APPL1: variants seen among roughly 807,000 people sequenced by gnomAD.
The protein encoded by APPL1 is DCC-interacting protein 13-alpha.
Under a neutral mutation model 106.8 loss-of-function variants are expected in APPL1, and 42 were observed. That is an observed-to-expected ratio of 0.39 (90% confidence interval 0.31 to 0.51). APPL1 has a LOEUF of 0.51. APPL1 is among the 20% of genes least tolerant of loss of function. APPL1 has a pLI of 0.75. For missense variants in APPL1, 769 were observed against 858.2 expected (o/e 0.90, Z 1.30); for synonymous variants, 263 against 281.8 (o/e 0.93, Z 0.67).
In APPL1 at chr3:57,257,003, C is replaced by A; in HGVS notation, c.1199C>A (p.Pro400His). Residue 400 changes from proline (P) to histidine (H), a missense_variant, in exon 14 of 22, where the codon CCT becomes CAT. By Grantham distance (77) the Pro-to-His change is moderately conservative. Transcript: ENST00000288266. ...CAATCAGCTCTGGAAGCTGTCACTC[C>A]TTCCCCATCTTTCCAGCAGAGGCAC... The part of the protein sequence containing the change: ...VNQSALEAVT[P>H]SPSFQQRHES... The A allele has an allele frequency of 6.2e-7, 1 of 1,614,124 alleles. No homozygotes were observed. The highest frequency in any genetic ancestry group is 1.7e-5 in the Admixed American group (1 of 60,010).
chr3:57,248,403 C>G, intron 10 of APPL1, 52 bp downstream of exon 10: 2 of 1,521,486 alleles, frequency 1.3e-6, no homozygotes, highest in Non-Finnish European at 8.9e-7. Context: ...AAGACAATAC[C>G]AAATGAATAT....
At chr3:57,245,058 A>G (rs530092621) in intron 7 of APPL1, among the ~76,000 whole-genome samples, 1 of 152,286 alleles carries the variant, frequency 6.6e-6, no homozygotes, top group South Asian at 2.1e-4. Flanking sequence ...AACTATCTTC[A>G]GTTTTGTACA....
chr3:57,243,569 G>A (rs2060757677), intron 7 of APPL1, among the ~76,000 whole-genome samples: 3 of 152,204 alleles, frequency 2.0e-5, no homozygotes, highest in African/African-American at 7.2e-5. Flanking sequence ...TGGAAACACA[G>A]TGACTGCTTG....
chr3:57,242,155 A>AT lies in APPL1; in HGVS notation c.415+16dup, dbSNP rs756339951. On this transcript the variant is annotated intron_variant, in intron 6 of 21. Coordinates refer to ENST00000288266, the MANE Select transcript of APPL1 (RefSeq NM_012096.3). Reference sequence around the variant, plus strand: ...ATTGCAAGTAATGGTAAGCCCTATAATTTGCACACTTATTTCTTGCAGTGA... The same window carrying AT: ...ATTGCAAGTAATGGTAAGCCCTATAATTTTGCACACTTATTTCTTGCAGTGA... The AT allele has an allele frequency of 8.2e-6, 13 of 1,583,800 alleles. No homozygotes were observed. Among genetic ancestry groups the AT allele is most frequent in the Non-Finnish European group, 1.0e-5 (12 of 1,157,512 alleles).
chr3:57,251,215 C>G (rs1157733996), intron 11 of APPL1, among the ~76,000 whole-genome samples: 3 of 150,888 alleles, frequency 2.0e-5, no homozygotes, highest in African/African-American at 7.3e-5. Flanking sequence ...TAAATTTGAC[C>G]TTTACTCCTG....
chr3:57,251,554 C>T (rs1361411411), intron 11 of APPL1, among the ~76,000 whole-genome samples: 1 of 150,892 alleles, frequency 6.6e-6, no homozygotes, highest in Non-Finnish European at 1.5e-5. Context: ...GATACTATAG[C>T]TCACTATCCT....
Position 57,271,487 on chromosome 3 carries a change from A to G in APPL1, c.*1800A>G, listed in dbSNP as rs996695259. 1 of 152,356 alleles carries G rather than the reference A, an allele frequency of 6.6e-6. No individual in the cohort carries two copies. Among genetic ancestry groups the G allele is most frequent in the Non-Finnish European group, 1.5e-5 (1 of 68,036 alleles). 9.4% of individuals were successfully genotyped at this position (152,356 alleles called of 1,614,324 possible). On this transcript the variant is annotated 3_prime_UTR_variant, in exon 22 of 22. Transcript: ENST00000288266. Reference sequence around the variant, plus strand: ...GAATTTATTCTGTTGCCAGCATTTAAGTAGTCATGGCAAGTCCTGTTTTTA... The same window carrying G: ...GAATTTATTCTGTTGCCAGCATTTAGGTAGTCATGGCAAGTCCTGTTTTTA...
intron 7 of APPL1, 72 bp from the exon 8 acceptor site, chr3:57,246,004 C>G: frequency 8.8e-7 from 1 of 1,141,464 alleles, no homozygotes; most frequent in Non-Finnish European, 1.2e-6. Context: ...ACAGCTCCTA[C>G]TGAAGATAAT....
chr3:57,253,728 A>G lies in APPL1; in HGVS notation c.1142A>G (p.Glu381Gly). ...NNISKQIYLS[E>G]NPEETAARVN... is the part of the protein sequence containing the mutation. ...ATATCTAAACAAATATACTTAAGTG[A>G]AAATCCAGAGGTAATATTTTTATTT... The change falls in exon 13 of 22, where the codon GAA becomes GGA. Residue 381 changes from glutamate to glycine, a missense_variant. By Grantham distance (98) the Glu-to-Gly change is moderately conservative (BLOSUM62 -2). Coordinates refer to ENST00000288266, the MANE Select transcript of APPL1 (RefSeq NM_012096.3). 6.9e-7 allele frequency: 1 copy of G among 1,440,354 alleles called. No homozygotes were observed. Among genetic ancestry groups the G allele is most frequent in the African/African-American group, 1.5e-5 (1 of 67,860 alleles). The allele number at this position is 1,440,354 out of a possible 1,614,324, so 89.2% of individuals were successfully genotyped here.
chr3:57,227,801 C>A lies in APPL1; in HGVS notation c.-83C>A. On this transcript the variant is annotated 5_prime_UTR_variant, in exon 1 of 22. Transcript: ENST00000288266. ...GCAGCCCTTGCCGGAGAGGGCGGGC[C>A]GGGGTCAGCTGCGGCGGGCGGGCCG... The A allele has an allele frequency of 8.1e-7, 1 of 1,241,018 alleles. No homozygotes were observed. The highest frequency in any genetic ancestry group is 2.6e-5 in the Admixed American group (1 of 37,934). 76.9% of individuals were successfully genotyped at this position (1,241,018 alleles called of 1,614,324 possible). A position where few individuals can be genotyped will look rare whatever the true frequency, so the allele number is the denominator to read the frequency against.
rs2060945982 is a variant in APPL1 at position 57,272,141 on chromosome 3, A to G, written c.*2454A>G. ...TAGAAATCAACAAAACTCCTTTTTA[A>G]AAAGAAAAGATATTAAGCCTGCCTA... On this transcript the variant is annotated 3_prime_UTR_variant, in exon 22 of 22. Coordinates refer to ENST00000288266, the MANE Select transcript of APPL1 (RefSeq NM_012096.3). The G allele has an allele frequency of 6.6e-6, 1 of 152,204 alleles. No homozygotes were observed. The highest frequency in any genetic ancestry group is 1.5e-5 in the Non-Finnish European group (1 of 68,034). The allele number at this position is 152,204 out of a possible 1,614,324, so 9.4% of individuals were successfully genotyped here.
In APPL1 at chr3:57,257,405, A is replaced by G; in HGVS notation, c.1407A>G (p.Ala469=). The G allele has an allele frequency of 6.2e-7, 1 of 1,613,386 alleles. No individual in the cohort carries two copies. The highest frequency in any genetic ancestry group is 8.5e-7 in the Non-Finnish European group (1 of 1,179,596). The change falls in exon 15 of 22, where the codon GCA becomes GCG. Residue 469 remains alanine, a synonymous_variant. Transcript: ENST00000288266. ...SPVCEDQPGQ[A]KAFGQGGRRT... ...TGTGTGAAGATCAGCCTGGCCAGGC[A>G]AAAGCCTTTGGCCAGGGAGGCAGGT...
At chr3:57,246,820 T>C (rs1004907988) in intron 8 of APPL1, among the ~76,000 whole-genome samples, 2 of 151,878 alleles carry the variant, frequency 1.3e-5, no homozygotes, top group African/African-American at 4.8e-5. Flanking sequence ...CTCAGCAACG[T>C]AGGGAGACCC....
chr3:57,267,624 G>C (rs1278506044), intron 19 of APPL1, 118 bp from the exon 20 acceptor site: 1 of 828,358 alleles, frequency 1.2e-6, no homozygotes, highest in Non-Finnish European at 2.0e-6. Flanking sequence ...ATATGCTTTT[G>C]CTTGAAGCAA....
At chr3:57,245,958 C>A in intron 7 of APPL1, 118 bp from the exon 8 acceptor site, 1 of 634,712 alleles carries the variant, frequency 1.6e-6, no homozygotes, top group Non-Finnish European at 2.5e-6. Flanking sequence ...TGCTCAATTG[C>A]TTGTGATACT....
intron 16 of APPL1, 65 bp from the exon 17 acceptor site, chr3:57,259,779 GA>G: frequency 4.6e-6 from 6 of 1,300,134 alleles, no homozygotes; most frequent in Middle Eastern, 2.4e-4. Flanking sequence ...GAAATATGGC[GA>G]AAAAAATAAA....
At chr3:57,230,769 T>G (rs1231229919) in intron 1 of APPL1, 1 of 458,066 alleles carries the variant, frequency 2.2e-6, no homozygotes, top group African/African-American at 2.1e-5. Context: ...AAGCTCATGG[T>G]AAGTTTTTTG....
At chr3:57,249,011 C>T (rs2060789549) in intron 10 of APPL1, among the ~76,000 whole-genome samples, 1 of 152,064 alleles carries the variant, frequency 6.6e-6, no homozygotes, top group Non-Finnish European at 1.5e-5. Context: ...TTAGTTTTCA[C>T]CTGATGATAG....
rs2060953045 is a variant in APPL1, at chr3:57,272,834, C to CA, written c.*3148dup. The stretch of plus-strand genomic sequence containing the variant: ...CAGGATGTTCTCGATCTCCTGACCT[C>CA]ATGATCCGCCCGCCTCGGCCTCCCA... On this transcript the variant is annotated 3_prime_UTR_variant, in exon 22 of 22. Coordinates refer to ENST00000288266, the MANE Select transcript of APPL1 (RefSeq NM_012096.3). The CA allele has an allele frequency of 1.3e-5, 2 of 152,166 alleles. No homozygotes were observed. Among genetic ancestry groups the CA allele is most frequent in the Non-Finnish European group, 1.5e-5 (1 of 68,046 alleles). The allele number at this position is 152,166 out of a possible 1,614,324, so 9.4% of individuals were successfully genotyped here.
Sources: gnomAD v4.1 joint callset for allele counts (sites outside exome capture counted in the v4.1 genomes callset) on GRCh38, gnomAD v4.1.1 for gene constraint, MANE v1.5 for transcripts, NCBI Gene and HGNC (gene_info 2026-07-23, HGNC 2026-07-21) for gene names.